The following XRN2 variants were observed in gnomAD, a reference collection of about 807,000 sequenced individuals.
The protein encoded by XRN2 is DHM1-like protein.
XRN2 carries 44 observed loss-of-function variants against 138.5 expected under a neutral mutation model. The ratio of observed to expected loss-of-function variants is 0.32; its 90% CI spans 0.25 to 0.41. The LOEUF is 0.41. XRN2 is among the 10% of genes least tolerant of loss of function. XRN2 has a pLI of 1.00. For synonymous variants in XRN2, 354 were observed against 369.4 expected (o/e 0.96, Z 0.48); for missense variants, 937 against 1,169.3 (o/e 0.80, Z 2.90).
At chr20:21,386,805 A>C in intron 28 of XRN2, 63 bp from the exon 29 acceptor site, 1 of 1,550,036 alleles carries the variant, frequency 6.5e-7, no homozygotes, top group Non-Finnish European at 8.8e-7. Context: ...ATACCTGCCG[A>C]TTTTAGGCTT....
In XRN2 at chr20:21,349,327, A is replaced by G. The variant is rs2122255634; in HGVS notation, c.1864-62A>G. On this transcript the variant is annotated intron_variant, in intron 19 of 29. Coordinates refer to ENST00000377191, the MANE Select transcript of XRN2 (RefSeq NM_012255.5). Reference sequence around the variant, plus strand: ...TATAACTTGAATGAAAGTCATATCAAATTCTTTATAACAGAGATGTGTGAC... The same window carrying G: ...TATAACTTGAATGAAAGTCATATCAGATTCTTTATAACAGAGATGTGTGAC... 4 of 1,122,786 alleles carry G rather than the reference A, an allele frequency of 3.6e-6. No homozygotes were observed. In the South Asian group the frequency reaches 3.9e-5, roughly 11 times the overall value. The allele number at this position is 1,122,786 out of a possible 1,614,324, so 69.6% of individuals were successfully genotyped here. A position where few individuals can be genotyped will look rare whatever the true frequency, so the allele number is the denominator to read the frequency against.
intron 27 of XRN2, among the ~76,000 whole-genome samples, chr20:21,375,224 T>G (rs1396004180): frequency 6.6e-6 from 1 of 151,488 alleles, no homozygotes; most frequent in African/African-American, 2.4e-5. Context: ...TTTTATTGTT[T>G]TTTTTTCCTC....
chr20:21,339,214 A>C, intron 14 of XRN2, 126 bp downstream of exon 14: 1 of 911,164 alleles, frequency 1.1e-6, no homozygotes, highest in South Asian at 1.7e-5. Context: ...GTGTCCACCC[A>C]GTTACCTTTT....
At chr20:21,338,555 A>G (rs1474443458) in intron 13 of XRN2, among the ~76,000 whole-genome samples, 1 of 152,176 alleles carries the variant, frequency 6.6e-6, no homozygotes, top group Non-Finnish European at 1.5e-5. Flanking sequence ...CCATTGTGCC[A>G]TGCATGCTAT....
intron 24 of XRN2, among the ~76,000 whole-genome samples, chr20:21,359,258 G>T (rs181831849): frequency 6.6e-6 from 1 of 152,198 alleles, no homozygotes; most frequent in African/African-American, 2.4e-5. Context: ...CAGGCCGGGC[G>T]CGGTGGCTCA....
intron 9 of XRN2, 31 bp downstream of exon 9, chr20:21,332,471 T>TAA (rs11481754): frequency 0.044 from 52,577 of 1,195,280 alleles, 1 homozygote; most frequent in South Asian, 0.073. Flanking sequence ...GTTGCCTCAT[T>TAA]AAAAAAAAAA....
chr20:21,351,013 G>A (rs2038503755), intron 20 of XRN2, among the ~76,000 whole-genome samples: 1 of 152,162 alleles, frequency 6.6e-6, no homozygotes, highest in Admixed American at 6.5e-5. Context: ...AGTGAGGGAT[G>A]TAAAAATACT....
At chr20:21,365,943 TTA>T in intron 26 of XRN2, among the ~76,000 whole-genome samples, 1 of 113,716 alleles carries the variant, frequency 8.8e-6, no homozygotes, top group South Asian at 2.4e-4. Flanking sequence ...AATTATAAAT[TTA>T]TATATATATA....
chr20:21,356,237 A>G (rs2038575087), intron 22 of XRN2, 60 bp downstream of exon 22: 1 of 1,301,268 alleles, frequency 7.7e-7, no homozygotes, highest in Non-Finnish European at 1.1e-6. Flanking sequence ...TAAAATATGC[A>G]TAACATAAAA....
At position 21,326,560 on chromosome 20, in the gene XRN2, G is replaced by A. The variant is rs1286469255; in HGVS notation, c.274G>A (p.Val92Ile). The A allele has an allele frequency of 1.2e-6, 2 of 1,613,860 alleles. No individual in the cohort carries two copies. The highest frequency in any genetic ancestry group is 1.7e-6 in the Non-Finnish European group (2 of 1,179,952). ...GTACATTGACAGACTTTTCAGTATT[G>A]TAAGACCAAGAAGACTTCTCTACAT... The part of the protein sequence containing the change: ...FEYIDRLFSI[V>I]RPRRLLYMAI... The change falls in exon 3 of 30, where the codon GTA (valine) becomes ATA (isoleucine). Residue 92 changes from valine to isoleucine, a missense_variant. Coordinates refer to ENST00000377191, the MANE Select transcript of XRN2 (RefSeq NM_012255.5).
chr20:21,310,901 C>G (rs560736589), intron 1 of XRN2, among the ~76,000 whole-genome samples: 1 of 152,032 alleles, frequency 6.6e-6, no homozygotes, highest in African/African-American at 2.4e-5. Context: ...CCCGCCACCA[C>G]GCCCGGCAAA....
intron 15 of XRN2, among the ~76,000 whole-genome samples, chr20:21,342,342 A>G (rs556221041): frequency 6.6e-6 from 1 of 152,256 alleles, no homozygotes; most frequent in East Asian, 1.9e-4. Context: ...TGGTTTCATT[A>G]TATCTAATTT....
intron 8 of XRN2, 91 bp from the exon 9 acceptor site, chr20:21,332,191 CT>C: frequency 6.8e-7 from 1 of 1,468,970 alleles, no homozygotes; most frequent in Non-Finnish European, 9.1e-7. Flanking sequence ...CTCATTTGGG[CT>C]TTTCTTTGTG....
At chr20:21,316,766 T>C (rs758277492) in intron 1 of XRN2, among the ~76,000 whole-genome samples, 46 of 152,336 alleles carry the variant, frequency 3.0e-4, no homozygotes, top group African/African-American at 1.0e-3. Flanking sequence ...TCCATAAATA[T>C]GGGATGTTAT....
chr20:21,377,274 T>TTTTTTTTTTTTTTTTTTTTTTC, intron 27 of XRN2, among the ~76,000 whole-genome samples: 1 of 142,490 alleles, frequency 7.0e-6, no homozygotes, highest in Non-Finnish European at 1.5e-5. Flanking sequence ...CTTTTTTTTT[T>TTTTTTTTTTTTTTTTTTTTTTC]TTTTGGTCAG....
chr20:21,382,344 G>C (rs11698774), intron 28 of XRN2, among the ~76,000 whole-genome samples: 2,652 of 152,244 alleles, frequency 0.017, 32 homozygotes, highest in Non-Finnish European at 0.028. Flanking sequence ...TTAGGTTTTG[G>C]TCAGGCTAAA....
At chr20:21,328,174 G>A (rs6047380) in intron 3 of XRN2, among the ~76,000 whole-genome samples, 102,242 of 152,090 alleles carry the variant, frequency 0.67, 35,230 homozygotes, top group South Asian at 0.84. Flanking sequence ...CCTGATCTTA[G>A]TTCAGTAGTA....
rs2038193972 is a variant in XRN2, at chr20:21,330,604, C to T, written c.487-12C>T. On this transcript the variant is annotated splice_polypyrimidine_tract_variant and intron_variant, in intron 5 of 29. Coordinates refer to ENST00000377191, the MANE Select transcript of XRN2 (RefSeq NM_012255.5). ...AAATGATAGGTTAATTTATTTCTTT[C>T]TATCATTTTAGGGAACTGAATTCAT... The T allele has an allele frequency of 1.9e-6, 3 of 1,613,526 alleles. No homozygotes were observed. The highest frequency in any genetic ancestry group is 2.5e-6 in the Non-Finnish European group (3 of 1,179,768).
In XRN2 at chr20:21,307,656, C is replaced by G. The variant is rs2122154200; in HGVS notation, c.75+4183C>G. Among the ~76,000 whole-genome samples, 2 of 76,412 alleles carry G rather than the reference C, an allele frequency of 2.6e-5. 1 individual carries two copies. The highest frequency in any genetic ancestry group is 7.2e-5 in the African/African-American group (2 of 27,972). 50.1% of individuals were successfully genotyped at this position (76,412 alleles called of 152,430 possible). On this transcript the variant is annotated intron_variant, in intron 1 of 29. Coordinates refer to ENST00000377191, the MANE Select transcript of XRN2 (RefSeq NM_012255.5). ...TTAAAGTATATAATTTAATACAGTGCATACATCTGTGAAACCAGCACAACC... is the reference window on the plus strand; with the variant it reads ...TTAAAGTATATAATTTAATACAGTGGATACATCTGTGAAACCAGCACAACC...
Sources: allele counts gnomAD v4.1 joint callset (sites outside exome capture counted in the v4.1 genomes callset), GRCh38; gene constraint gnomAD v4.1.1; transcripts MANE v1.5; gene names NCBI Gene and HGNC (gene_info 2026-07-23, HGNC 2026-07-21).